The following TPCN1 variants were observed in gnomAD, a reference collection of about 807,000 sequenced individuals.
TPCN1 encodes the protein two pore channel protein 1.
A neutral mutation model predicts 108.8 loss-of-function variants in TPCN1; 52 were observed. The observed-to-expected ratio is 0.48, with a 90% CI of 0.38 to 0.60. The LOEUF is 0.60. Ranked by LOEUF, TPCN1 falls within the 20% of genes least tolerant of loss-of-function variation. The probability of loss-of-function intolerance (pLI) is 0.00; values close to 1 mark genes in which losing one functional copy is unlikely to be tolerated. For missense variants in TPCN1, 806 were observed against 1,072.8 expected (o/e 0.75, Z 3.47); for synonymous variants, 446 against 433.7 (o/e 1.03, Z -0.35).
chr12:113,239,595 C>A (rs1476402050), intron 2 of TPCN1, among the ~76,000 whole-genome samples: 2 of 152,196 alleles, frequency 1.3e-5, no homozygotes, highest in Non-Finnish European at 1.5e-5. Context: ...GCTAAACCAG[C>A]CCCTGGAGCC....
rs1953488404 is a variant in TPCN1, at chr12:113,226,851, A to G, written c.-2A>G. On this transcript the variant is annotated 5_prime_UTR_variant, in exon 2 of 28. Transcript: ENST00000335509. ...ATCCTGAGGGCCACAGGAGAAGAGA[A>G]CATGGCTGTGAGTTTGGATGACGAC... is the stretch of plus-strand genomic sequence containing the variant. 2 of 1,614,180 alleles carry G rather than the reference A, an allele frequency of 1.2e-6. No individual in the cohort carries two copies. The highest frequency in any genetic ancestry group is 8.5e-7 in the Non-Finnish European group (1 of 1,180,032).
intron 2 of TPCN1, among the ~76,000 whole-genome samples, chr12:113,241,322 T>A (rs1202626865): frequency 1.3e-5 from 2 of 152,090 alleles, no homozygotes; most frequent in East Asian, 3.9e-4. Flanking sequence ...CCGCCTCACC[T>A]CTTGTTACTC....
chr12:113,292,845 C>CT (rs1956311876), intron 25 of TPCN1, 89 bp from the exon 26 acceptor site: 3 of 1,469,550 alleles, frequency 2.0e-6, no homozygotes, highest in East Asian at 4.6e-5. Flanking sequence ...TTAAGACCCC[C>CT]TGCGGAAGGG....
intron 12 of TPCN1, among the ~76,000 whole-genome samples, chr12:113,277,842 G>A (rs144539261): frequency 6.6e-6 from 1 of 152,266 alleles, no homozygotes; most frequent in African/African-American, 2.4e-5. Flanking sequence ...AGCTGAACTT[G>A]CAGTCCCAGG....
Position 113,284,647 on chromosome 12 carries a change from G to A in TPCN1, c.1399+10G>A, listed in dbSNP as rs771124936. The A allele has an allele frequency of 1.4e-5, 22 of 1,614,072 alleles. No homozygotes were observed. The highest frequency in any genetic ancestry group is 3.3e-4 in the Middle Eastern group (2 of 6,084). ...ACATTTATGCTGAAAGGTGAGCCCCGCTCAGGGACTGGCCGTGTCCTGGCC... is the reference window on the plus strand; with the variant it reads ...ACATTTATGCTGAAAGGTGAGCCCCACTCAGGGACTGGCCGTGTCCTGGCC... On this transcript the variant is annotated intron_variant, in intron 16 of 27. Transcript: ENST00000335509. The surrounding 1 kb of genome is among the most constrained non-coding windows in gnomAD (Gnocchi z 4.1).
At chr12:113,270,267 A>T (rs1955438527) in intron 7 of TPCN1, among the ~76,000 whole-genome samples, 1 of 152,068 alleles carries the variant, frequency 6.6e-6, no homozygotes, top group Non-Finnish European at 1.5e-5. Context: ...GGACTGCTGT[A>T]ACAAAATGCC....
At chr12:113,264,787 G>A (rs1955187186) in intron 3 of TPCN1, among the ~76,000 whole-genome samples, 1 of 152,112 alleles carries the variant, frequency 6.6e-6, no homozygotes, top group Non-Finnish European at 1.5e-5. Context: ...GTAGGGTATG[G>A]GGAATCCTGA....
chr12:113,233,200 G>A (rs1010757118), intron 2 of TPCN1, among the ~76,000 whole-genome samples: 19 of 152,160 alleles, frequency 1.2e-4, no homozygotes, highest in Admixed American at 6.5e-4. Context: ...ATCTCTTCCC[G>A]TCCCCCTTTC....
chr12:113,296,661 G>A lies in TPCN1; in HGVS notation c.*585G>A, dbSNP rs1033022174. On this transcript the variant is annotated 3_prime_UTR_variant, in exon 28 of 28. Transcript: ENST00000335509. The stretch of plus-strand genomic sequence containing the variant: ...GCGGAATTGGGGCAACTGGGCCCAT[G>A]TGGCCAGAGCTCAGTTAGCCAGTGC... 6 of 152,698 alleles carry A rather than the reference G, an allele frequency of 3.9e-5. No homozygotes were observed. The highest frequency in any genetic ancestry group is 1.4e-4 in the African/African-American group (6 of 41,464). The allele number at this position is 152,698 out of a possible 1,614,324, so 9.5% of individuals were successfully genotyped here.
rs75534130 is a variant in TPCN1, at chr12:113,228,983, C to T, written c.112+2019C>T. On this transcript the variant is annotated intron_variant, in intron 2 of 27. Coordinates refer to ENST00000335509, the MANE Select transcript of TPCN1 (RefSeq NM_017901.6). ...GAGTGTCACTTTTAAGTCCCTCCAACGTGCCTGACCTGATGGTGGGGTGTC... is the reference window on the plus strand; with the variant it reads ...GAGTGTCACTTTTAAGTCCCTCCAATGTGCCTGACCTGATGGTGGGGTGTC... Among the ~76,000 whole-genome samples, 136 of 152,318 alleles carry T rather than the reference C, an allele frequency of 8.9e-4. No homozygotes were observed. In the East Asian group the frequency reaches 0.022, roughly 24 times the overall value.
rs1414407387 is a variant in TPCN1, at chr12:113,288,536, G to A, written c.1707-222G>A. 4 of 1,478,180 alleles carry A rather than the reference G, an allele frequency of 2.7e-6. No homozygotes were observed. The Admixed American group carries it at 9.2e-5, about 34-fold the overall frequency. The allele number at this position is 1,478,180 out of a possible 1,614,324, so 91.6% of individuals were successfully genotyped here. On this transcript the variant is annotated intron_variant, in intron 20 of 27. Transcript: ENST00000335509. The surrounding 1 kb of genome is among the most constrained non-coding windows in gnomAD (Gnocchi z 4.8). Reference sequence around the variant, plus strand: ...GAGTCTACCTTCACAGGTAAGGGGTGAATCTCTGGGAAAGGGGCATTTGTT... The same window carrying A: ...GAGTCTACCTTCACAGGTAAGGGGTAAATCTCTGGGAAAGGGGCATTTGTT...
chr12:113,255,557 A>C (rs1156904759), intron 2 of TPCN1, among the ~76,000 whole-genome samples: 1 of 151,288 alleles, frequency 6.6e-6, no homozygotes, highest in Non-Finnish European at 1.5e-5. Context: ...ACAGAGTCTC[A>C]GTCTGTAAGC....
intron 2 of TPCN1, among the ~76,000 whole-genome samples, chr12:113,235,027 A>C (rs1455104429): frequency 1.3e-5 from 2 of 152,226 alleles, no homozygotes; most frequent in Non-Finnish European, 2.9e-5. Flanking sequence ...TAAGGAAAAG[A>C]GTACAAAACC....
chr12:113,234,198 C>T (rs1953798892), intron 2 of TPCN1, among the ~76,000 whole-genome samples: 1 of 152,184 alleles, frequency 6.6e-6, no homozygotes, highest in Admixed American at 6.5e-5. Context: ...AGGACAGCTA[C>T]AGTGTCACCA....
Position 113,284,667 on chromosome 12 carries a change from C to G in TPCN1, c.1399+30C>G, listed in dbSNP as rs2288366. ...GCCCCGCTCAGGGACTGGCCGTGTC[C>G]TGGCCGGCACACCTGGCTTACCTGT... On this transcript the variant is annotated intron_variant, in intron 16 of 27. Transcript: ENST00000335509. This position sits in a 1 kb window ranked among gnomAD's most constrained non-coding sequence, Gnocchi z 4.1. 0.014 allele frequency: 21,927 copies of G among 1,614,192 alleles called. 1,316 individuals carry two copies. In the East Asian group the frequency reaches 0.16, roughly 12 times the overall value.
chr12:113,273,163 C>A lies in TPCN1; in HGVS notation c.784-69C>A. On this transcript the variant is annotated intron_variant, in intron 8 of 27. Coordinates refer to ENST00000335509, the MANE Select transcript of TPCN1 (RefSeq NM_017901.6). The surrounding 1 kb of genome is among the most constrained non-coding windows in gnomAD (Gnocchi z 4.0). Reference sequence around the variant, plus strand: ...AGGCAGGGCATGCCAGGTGGCCCATCACAGCCTGTTCCTGATGGCCGTGTG... The same window carrying A: ...AGGCAGGGCATGCCAGGTGGCCCATAACAGCCTGTTCCTGATGGCCGTGTG... 1 of 1,464,800 alleles carries A rather than the reference C, an allele frequency of 6.8e-7. No individual in the cohort carries two copies. Among genetic ancestry groups the A allele is most frequent in the Non-Finnish European group, 9.6e-7 (1 of 1,044,356 alleles). 90.7% of individuals were successfully genotyped at this position (1,464,800 alleles called of 1,614,324 possible). A position where few individuals can be genotyped will look rare whatever the true frequency, so the allele number is the denominator to read the frequency against.
chr12:113,240,478 G>C (rs1221830870), intron 2 of TPCN1, among the ~76,000 whole-genome samples: 1 of 152,132 alleles, frequency 6.6e-6, no homozygotes, highest in Non-Finnish European at 1.5e-5. Context: ...TTCCTAAGTT[G>C]CAGTTTCTTC....
At chr12:113,228,587 G>T (rs1171236105) in intron 2 of TPCN1, among the ~76,000 whole-genome samples, 1 of 152,202 alleles carries the variant, frequency 6.6e-6, no homozygotes, top group Admixed American at 6.5e-5. Flanking sequence ...TCCAGCCTGG[G>T]CAACAGAGCA....
At chr12:113,292,203 G>A (rs183624592) in intron 25 of TPCN1, 311 of 495,836 alleles carry the variant, frequency 6.3e-4, no homozygotes, top group African/African-American at 5.8e-3. Context: ...GAAAAATCAA[G>A]AAGTAGAGAA....
Sources: allele counts gnomAD v4.1 joint callset (sites outside exome capture counted in the v4.1 genomes callset), GRCh38; gene constraint gnomAD v4.1.1; non-coding constraint Gnocchi (gnomAD v3.1); transcripts MANE v1.5; gene names NCBI Gene and HGNC (gene_info 2026-07-23, HGNC 2026-07-21).